PAK3: variants seen among roughly 807,000 people sequenced by gnomAD.
PAK3 encodes serine/threonine-protein kinase PAK 3.
PAK3 carries 4 observed loss-of-function variants against 41.0 expected under a neutral mutation model. The ratio of observed to expected loss-of-function variants is 0.10; its 90% CI spans 0.05 to 0.22. PAK3 has a LOEUF of 0.22. Ranked by LOEUF, PAK3 falls within the 10% of genes least tolerant of loss-of-function variation. The pLI, the probability that PAK3 is intolerant of heterozygous loss-of-function variation, is 1.00. For synonymous variants in PAK3, 146 were observed against 139.6 expected (o/e 1.05, Z -0.32); for missense variants, 205 against 409.9 (o/e 0.50, Z 4.32).
At chrX:111,215,646 C>T (rs976253597) in intron 16 of PAK3, among the ~76,000 whole-genome samples, 1 of 112,429 alleles carries the variant, frequency 8.9e-6, no homozygotes, top group Non-Finnish European at 1.9e-5. Context: ...GCCATCATGA[C>T]TTGATATCTC....
At chrX:111,167,165 A>G in intron 10 of PAK3, among the ~76,000 whole-genome samples, 1 of 111,735 alleles carries the variant, frequency 8.9e-6, no homozygotes. Context: ...GGGGTCTTAC[A>G]GTGTGACAGA....
At chrX:111,026,404 C>T (rs1267408444) in intron 1 of PAK3, among the ~76,000 whole-genome samples, 1 of 111,152 alleles carries the variant, frequency 9.0e-6, no homozygotes, top group Non-Finnish European at 1.9e-5. Context: ...ACCTAGAAAA[C>T]TCTGAAGACT....
intron 1 of PAK3, among the ~76,000 whole-genome samples, chrX:111,033,354 G>A (rs930964684): frequency 3.6e-5 from 4 of 111,502 alleles, no homozygotes; most frequent in African/African-American, 9.8e-5. Context: ...AAACACACAC[G>A]CAGGTATTCA....
intron 1 of PAK3, among the ~76,000 whole-genome samples, chrX:111,056,902 C>G (rs1339943626): frequency 9.0e-6 from 1 of 111,069 alleles, no homozygotes; most frequent in East Asian, 2.8e-4. Context: ...TAGTGAATGT[C>G]CCCCCTTTTT....
intron 10 of PAK3, among the ~76,000 whole-genome samples, chrX:111,167,612 A>G (rs773529894): frequency 2.7e-5 from 3 of 110,262 alleles, no homozygotes; most frequent in Non-Finnish European, 5.7e-5. Context: ...GTTGAAAAAT[A>G]CAGAAACAAG....
chrX:111,206,376 C>T (rs2094747898), intron 16 of PAK3, among the ~76,000 whole-genome samples: 1 of 111,632 alleles, frequency 9.0e-6, no homozygotes, highest in South Asian at 3.8e-4. Flanking sequence ...TTCATAAGCA[C>T]AAGCAGCCCC....
At chrX:110,960,651 G>A (rs767294844) in intron 1 of PAK3, among the ~76,000 whole-genome samples, 67 of 110,658 alleles carry the variant, frequency 6.1e-4, no homozygotes, top group Non-Finnish European at 1.2e-3. Context: ...GAGGGTTCTG[G>A]GTAGGGAAAG....
intron 1 of PAK3, among the ~76,000 whole-genome samples, chrX:111,027,598 T>A (rs960321574): frequency 9.0e-6 from 1 of 111,456 alleles, no homozygotes; most frequent in South Asian, 3.8e-4. Flanking sequence ...CAGGGAAATA[T>A]AAATCAAAAC....
At chrX:110,976,924 C>T (rs1333922033) in intron 1 of PAK3, among the ~76,000 whole-genome samples, 3 of 98,454 alleles carry the variant, frequency 3.0e-5, no homozygotes, top group East Asian at 6.0e-4. Flanking sequence ...CACTTGGATA[C>T]AGGGAGGGGA....
chrX:111,037,746 A>G (rs2092414437), intron 1 of PAK3, among the ~76,000 whole-genome samples: 1 of 111,722 alleles, frequency 9.0e-6, no homozygotes, highest in Non-Finnish European at 1.9e-5. Flanking sequence ...CACCTCAGTT[A>G]TGAGGCAAAC....
chrX:111,041,313 C>T (rs764607653), intron 1 of PAK3, among the ~76,000 whole-genome samples: 4 of 112,078 alleles, frequency 3.6e-5, no homozygotes, highest in Non-Finnish European at 7.5e-5. Context: ...ATTGCTCTCA[C>T]TTTGCCCTCT....
intron 1 of PAK3, among the ~76,000 whole-genome samples, chrX:110,993,227 A>G (rs1167786652): frequency 8.9e-6 from 1 of 111,963 alleles, no homozygotes; most frequent in African/African-American, 3.2e-5. Context: ...TTGTGGGTCA[A>G]TTCAAGCCCC....
chrX:111,190,815 A>G (rs2094554008), intron 11 of PAK3, among the ~76,000 whole-genome samples: 2 of 112,618 alleles, frequency 1.8e-5, no homozygotes, highest in Admixed American at 1.9e-4. Flanking sequence ...AATAATTACC[A>G]GAAAGTTTAC....
At chrX:111,030,375 AGCTTAAGAGAAGG>A (rs2092326107) in intron 1 of PAK3, among the ~76,000 whole-genome samples, 1 of 111,379 alleles carries the variant, frequency 9.0e-6, no homozygotes, top group Non-Finnish European at 1.9e-5. Context: ...AGATCTAGAA[AGCTTAAGAGAAGG>A]GCTGCTTAGT....
chrX:111,086,403 A>C (rs1315029382), intron 1 of PAK3, among the ~76,000 whole-genome samples: 1 of 111,227 alleles, frequency 9.0e-6, no homozygotes, highest in African/African-American at 3.3e-5. Context: ...TTTCAACCGG[A>C]GTGTAGGGAG....
At chrX:111,158,847 A>G (rs1185907454) in intron 8 of PAK3, among the ~76,000 whole-genome samples, 3 of 111,785 alleles carry the variant, frequency 2.7e-5, no homozygotes, top group Non-Finnish European at 5.6e-5. Flanking sequence ...GGTGGATCTT[A>G]TCTAGTGAAG....
At chrX:110,962,283 C>T (rs749731364) in intron 1 of PAK3, among the ~76,000 whole-genome samples, 2 of 111,902 alleles carry the variant, frequency 1.8e-5, no homozygotes, top group South Asian at 3.8e-4. Context: ...AACCAGAAAG[C>T]GGAGTCATCC....
At chrX:111,055,919 A>T (rs1488506809) in intron 1 of PAK3, among the ~76,000 whole-genome samples, 1 of 111,232 alleles carries the variant, frequency 9.0e-6, no homozygotes, top group African/African-American at 3.3e-5. Flanking sequence ...CATGCCTCAC[A>T]TTCATCTCCT....
chrX:111,020,790 T>A (rs2092166180), intron 1 of PAK3, among the ~76,000 whole-genome samples: 1 of 111,051 alleles, frequency 9.0e-6, no homozygotes. Flanking sequence ...TGCCTAGAAA[T>A]AGACTTGGTG....
Sources: allele counts gnomAD v4.1 joint callset (sites outside exome capture counted in the v4.1 genomes callset), GRCh38; gene constraint gnomAD v4.1.1; transcripts MANE v1.5; gene names NCBI Gene and HGNC (gene_info 2026-07-23, HGNC 2026-07-21).